Variants in PTPN13 observed in about 807,000 individuals in gnomAD.
The protein encoded by PTPN13 is tyrosine-protein phosphatase non-receptor type 13.
Under a neutral mutation model 284.0 loss-of-function variants are expected in PTPN13, and 191 were observed. The ratio of observed to expected loss-of-function variants is 0.67; its 90% CI spans 0.60 to 0.76. The LOEUF (loss-of-function observed/expected upper bound fraction) is 0.76, where lower values mean the gene tolerates loss of function less well. Among genes scored for constraint, PTPN13 ranks in the 30% least tolerant of loss-of-function variants. PTPN13 has a pLI of 0.00. For synonymous variants in PTPN13, 986 were observed against 1,022.3 expected, an observed-to-expected ratio of 0.96 and a Z score of 0.68; for missense variants, 2,797 against 2,939.9, an observed-to-expected ratio of 0.95 and a Z score of 1.12.
intron 2 of PTPN13, among the ~76,000 whole-genome samples, chr4:86,654,333 A>G (rs1731820265): frequency 6.6e-6 from 1 of 152,332 alleles, no homozygotes; most frequent in East Asian, 1.9e-4. Flanking sequence ...AAAAAATGAT[A>G]AAGGGGATAT....
rs199630109 is a variant in PTPN13, at chr4:86,765,414, T to G, written c.4169T>G (p.Val1390Gly). 86 of 1,601,160 alleles carry G rather than the reference T, an allele frequency of 5.4e-5. No individual in the cohort carries two copies. The highest frequency in any genetic ancestry group is 6.6e-5 in the Non-Finnish European group (78 of 1,173,292). ...CTTTAGGGAGGTGTGAATACGAGTG[T>G]CAGACATGGTGGCATTTATGTGAAA... Reference protein sequence around the residue: ...ISVTGGVNTSVRHGGIYVKAV... With the variant: ...ISVTGGVNTSGRHGGIYVKAV... Residue 1390 changes from valine to glycine, a missense_variant, in exon 26 of 48, where the codon GTC becomes GGC. Transcript: ENST00000411767.
intron 10 of PTPN13, among the ~76,000 whole-genome samples, chr4:86,724,532 A>G (rs1260912576): frequency 6.6e-6 from 1 of 152,112 alleles, no homozygotes; most frequent in Non-Finnish European, 1.5e-5. Context: ...CAAACCAAAC[A>G]TTTCTTTGCC....
At chr4:86,751,583 G>T (rs1257794485) in intron 19 of PTPN13, among the ~76,000 whole-genome samples, 1 of 152,148 alleles carries the variant, frequency 6.6e-6, no homozygotes, top group Non-Finnish European at 1.5e-5. Context: ...GCCTCCCAAA[G>T]TGCTGAGATT....
At chr4:86,683,013 G>C (rs1391368622) in intron 3 of PTPN13, among the ~76,000 whole-genome samples, 1 of 152,112 alleles carries the variant, frequency 6.6e-6, no homozygotes, top group Non-Finnish European at 1.5e-5. Flanking sequence ...ATTACTAAAA[G>C]TGTGGAACCC....
chr4:86,617,285 A>G (rs112021191), intron 1 of PTPN13, among the ~76,000 whole-genome samples: 7,050 of 152,196 alleles, frequency 0.046, 220 homozygotes, highest in African/African-American at 0.06. Context: ...CACTGACCAG[A>G]TTTTTCAAGT....
Position 86,753,065 on chromosome 4 carries a change from G to C in PTPN13, c.3223G>C (p.Asp1075His). The change falls in exon 20 of 48, where the codon GAT (aspartate) becomes CAT (histidine). Residue 1075 changes from aspartate to histidine, a missense_variant and splice_region_variant. Physicochemically the swap from Asp to His is moderately conservative, Grantham distance 81. Transcript: ENST00000411767. Reference protein sequence around the residue: ...SSSQVPLKENDVLHKRWSIVS... With the variant: ...SSSQVPLKENHVLHKRWSIVS... ...ATCCCAAGTACCCTTAAAAGAAAATGGTAGGTTTACAAAATGTTTTTCCCC... is the reference window on the plus strand; with the variant it reads ...ATCCCAAGTACCCTTAAAAGAAAATCGTAGGTTTACAAAATGTTTTTCCCC... 6.9e-6 allele frequency: 11 copies of C among 1,602,200 alleles called. No individual in the cohort carries two copies. The highest frequency in any genetic ancestry group is 9.4e-6 in the Non-Finnish European group (11 of 1,171,106).
intron 3 of PTPN13, among the ~76,000 whole-genome samples, chr4:86,686,255 G>A (rs1401698100): frequency 2.0e-5 from 3 of 152,160 alleles, no homozygotes; most frequent in Admixed American, 6.5e-5. Flanking sequence ...CCAGCTACTG[G>A]GGAGGCTGAG....
chr4:86,781,262 C>G (rs553043326), intron 36 of PTPN13, among the ~76,000 whole-genome samples: 5 of 151,864 alleles, frequency 3.3e-5, no homozygotes, highest in African/African-American at 1.2e-4. Context: ...ATATTTGTTT[C>G]TTTCTTTGTT....
intron 1 of PTPN13, among the ~76,000 whole-genome samples, chr4:86,630,130 A>G (rs145173321): frequency 2.0e-5 from 3 of 152,232 alleles, no homozygotes; most frequent in African/African-American, 7.2e-5. Flanking sequence ...GAAAATTTCA[A>G]GGGACCCTTT....
chr4:86,641,308 T>A (rs1468918231), intron 2 of PTPN13, among the ~76,000 whole-genome samples: 1 of 152,170 alleles, frequency 6.6e-6, no homozygotes, highest in Non-Finnish European at 1.5e-5. Context: ...TGTGTTTTTT[T>A]AAAATGCTTT....
rs1578722426 is a variant in PTPN13, at chr4:86,805,170, C to G, written c.6655-109C>G. 16 of 581,972 alleles carry G rather than the reference C, an allele frequency of 2.7e-5. No individual in the cohort carries two copies. The East Asian group carries it at 4.8e-4, about 17-fold the overall frequency. The allele number at this position is 581,972 out of a possible 1,614,324, so 36.1% of individuals were successfully genotyped here. A position where few individuals can be genotyped will look rare whatever the true frequency, so the allele number is the denominator to read the frequency against. The stretch of plus-strand genomic sequence containing the variant: ...ATTTAGGACATCTGTATTTAACACT[C>G]AGAATCAGCCTTAATCAACCAATTT... On this transcript the variant is annotated intron_variant, in intron 43 of 47. Transcript: ENST00000411767.
chr4:86,776,338 G>A (rs1740641114), intron 35 of PTPN13, among the ~76,000 whole-genome samples: 1 of 152,150 alleles, frequency 6.6e-6, no homozygotes, highest in Non-Finnish European at 1.5e-5. Context: ...TAATTTATTT[G>A]CTATTTTTAG....
chr4:86,739,930 G>A (rs529737098), intron 15 of PTPN13, among the ~76,000 whole-genome samples: 1 of 152,328 alleles, frequency 6.6e-6, no homozygotes, highest in African/African-American at 2.4e-5. Flanking sequence ...AAACCTTAAA[G>A]CTGCAAAATG....
intron 1 of PTPN13, among the ~76,000 whole-genome samples, chr4:86,617,129 G>C (rs1189194199): frequency 6.6e-6 from 1 of 152,174 alleles, no homozygotes; most frequent in Middle Eastern, 3.2e-3. Context: ...AGGGACAAGA[G>C]AGGAAGCAAA....
chr4:86,638,016 C>T (rs1723249480), intron 2 of PTPN13, among the ~76,000 whole-genome samples: 1 of 152,002 alleles, frequency 6.6e-6, no homozygotes. Flanking sequence ...AAATCACAAG[C>T]ATTCTTATAC....
chr4:86,760,861 A>C (rs934200368), intron 23 of PTPN13, among the ~76,000 whole-genome samples: 1 of 152,082 alleles, frequency 6.6e-6, no homozygotes, highest in Non-Finnish European at 1.5e-5. Flanking sequence ...CTTTGAAAAG[A>C]GGTAAAACCC....
At chr4:86,782,124 G>A in intron 36 of PTPN13, 77 bp from the exon 37 acceptor site, 2 of 1,013,830 alleles carry the variant, frequency 2.0e-6, no homozygotes, top group South Asian at 1.4e-5. Context: ...AGAAATGTGA[G>A]TTTTCTTTAA....
intron 42 of PTPN13, among the ~76,000 whole-genome samples, chr4:86,801,102 G>A (rs1743982402): frequency 6.6e-6 from 1 of 152,110 alleles, no homozygotes; most frequent in Admixed American, 6.5e-5. Flanking sequence ...CCTTTTTCTA[G>A]GATAACAGTT....
At chr4:86,673,940 C>G (rs979453766) in intron 3 of PTPN13, among the ~76,000 whole-genome samples, 3 of 152,140 alleles carry the variant, frequency 2.0e-5, no homozygotes, top group Admixed American at 1.3e-4. Flanking sequence ...CTCCTGACCT[C>G]AAGTGATCCG....
Sources: gnomAD v4.1 joint callset for allele counts (sites outside exome capture counted in the v4.1 genomes callset) on GRCh38, gnomAD v4.1.1 for gene constraint, MANE v1.5 for transcripts, NCBI Gene and HGNC (gene_info 2026-07-23, HGNC 2026-07-21) for gene names.